NELL2: variants seen among roughly 807,000 people sequenced by gnomAD.
NELL2 encodes neural EGFL like 2, also known as protein kinase C-binding protein NELL2.
NELL2 carries 41 observed loss-of-function variants against 109.6 expected under a neutral mutation model. The observed-to-expected ratio is 0.37, with a 90% CI of 0.29 to 0.49. NELL2 has a LOEUF of 0.49. Ranked by LOEUF, NELL2 falls within the 20% of genes least tolerant of loss-of-function variation. The pLI is 0.98. For missense variants in NELL2, 900 were observed against 1,008.3 expected (o/e 0.89, Z 1.45); for synonymous variants, 355 against 344.7 (o/e 1.03, Z -0.33).
At chr12:44,676,125 A>C (rs1948308244) in intron 12 of NELL2, among the ~76,000 whole-genome samples, 1 of 152,144 alleles carries the variant, frequency 6.6e-6, no homozygotes, top group African/African-American at 2.4e-5. Context: ...CTCAATTGCA[A>C]AGACTCCACA....
chr12:44,647,437 T>TCATGTTTATATTTTCAAATTACTTA, intron 13 of NELL2, among the ~76,000 whole-genome samples: 1 of 152,206 alleles, frequency 6.6e-6, no homozygotes, highest in African/African-American at 2.4e-5. Context: ...GCAACAGGGA[T>TCATGTTTATATTTTCAAATTACTTA]ATCTGCTGCA....
At chr12:44,816,986 C>T (rs143882939) in intron 2 of NELL2, among the ~76,000 whole-genome samples, 233 of 152,324 alleles carry the variant, frequency 1.5e-3, no homozygotes, top group Middle Eastern at 0.01. Context: ...AGAAGATTGA[C>T]GAGAGATAGA....
chr12:44,678,544 T>C (rs998099949), intron 12 of NELL2, among the ~76,000 whole-genome samples: 4 of 152,014 alleles, frequency 2.6e-5, no homozygotes, highest in African/African-American at 9.7e-5. Flanking sequence ...TGTACCAAGA[T>C]GTAATAGGTA....
rs146209453 is a variant in NELL2, at chr12:44,624,723, A to T, written c.1445-13753T>A. ...TTATCAAAATATAGCTGGCTCAAGT[A>T]GCCTCCAGGGCCTCTAGGACAGATT... On this transcript the variant is annotated intron_variant, in intron 13 of 19. Coordinates refer to ENST00000429094, the MANE Select transcript of NELL2 (RefSeq NM_001145108.2). Among the ~76,000 whole-genome samples the T allele has an allele frequency of 3.6e-3, 553 of 152,178 alleles. 2 individuals are homozygous for T. The highest frequency in any genetic ancestry group is 0.012 in the African/African-American group (519 of 41,530).
At chr12:44,582,429 G>T (rs1439956372) in intron 15 of NELL2, among the ~76,000 whole-genome samples, 1 of 152,116 alleles carries the variant, frequency 6.6e-6, no homozygotes, top group Non-Finnish European at 1.5e-5. Flanking sequence ...ATTCATAAAG[G>T]TGTGTTTAGA....
chr12:44,861,166 C>T (rs1311914450), intron 2 of NELL2, among the ~76,000 whole-genome samples: 4 of 152,146 alleles, frequency 2.6e-5, no homozygotes, highest in African/African-American at 9.7e-5. Flanking sequence ...GACAATTTTA[C>T]GTTACCCATC....
chr12:44,806,283 T>C (rs1566438211), intron 3 of NELL2, among the ~76,000 whole-genome samples: 1 of 151,870 alleles, frequency 6.6e-6, no homozygotes, highest in East Asian at 1.9e-4. Flanking sequence ...TGAAAAGGTA[T>C]TCAACCTCAT....
chr12:44,856,307 CA>C (rs1372485823), intron 2 of NELL2, among the ~76,000 whole-genome samples: 1 of 152,208 alleles, frequency 6.6e-6, no homozygotes, highest in Non-Finnish European at 1.5e-5. Context: ...ATTAAGCATT[CA>C]AAAATCCCTG....
rs559685111 is a variant in NELL2, at chr12:44,704,003, T to A, written c.1190-149A>T. 222 of 639,004 alleles carry A rather than the reference T, an allele frequency of 3.5e-4. No individual in the cohort carries two copies. In the African/African-American group the frequency reaches 3.9e-3, roughly 11 times the overall value. 39.6% of individuals were successfully genotyped at this position (639,004 alleles called of 1,614,324 possible). On this transcript the variant is annotated intron_variant, in intron 11 of 19. Coordinates refer to ENST00000429094, the MANE Select transcript of NELL2 (RefSeq NM_001145108.2). ...CATCAACATTTACAGAAGAATCACA[T>A]GCTATGAGTACCAAAAACTTCTTCT...
At chr12:44,617,457 G>A (rs1431953568) in intron 13 of NELL2, among the ~76,000 whole-genome samples, 2 of 106,144 alleles carry the variant, frequency 1.9e-5, no homozygotes, top group Non-Finnish European at 3.7e-5. Flanking sequence ...GGAGGCCGAG[G>A]CGGGCGGATC....
chr12:44,727,503 G>A (rs1271377024), intron 9 of NELL2, among the ~76,000 whole-genome samples: 1 of 152,004 alleles, frequency 6.6e-6, no homozygotes, highest in East Asian at 1.9e-4. Context: ...TAACAGAAGT[G>A]GAAAAATGGA....
upstream of NELL2, among the ~76,000 whole-genome samples, chr12:44,917,304 C>T (rs150836472): frequency 1.8e-4 from 28 of 152,324 alleles, no homozygotes; most frequent in East Asian, 2.3e-3. Flanking sequence ...GTAGAAAGAG[C>T]ACAGCATTTG....
chr12:44,797,836 C>A (rs1223650369), intron 3 of NELL2, among the ~76,000 whole-genome samples: 1 of 135,868 alleles, frequency 7.4e-6, no homozygotes, highest in Non-Finnish European at 1.6e-5. Flanking sequence ...GGAATTCCAT[C>A]CTAGATGGAA....
intron 12 of NELL2, among the ~76,000 whole-genome samples, chr12:44,684,377 T>C (rs2136379348): frequency 6.6e-6 from 1 of 152,300 alleles, no homozygotes; most frequent in East Asian, 1.9e-4. Context: ...AGCTCCTGGA[T>C]TCGTTAATTT....
At chr12:44,733,143 A>G (rs1323793786) in intron 9 of NELL2, among the ~76,000 whole-genome samples, 1 of 152,136 alleles carries the variant, frequency 6.6e-6, no homozygotes, top group Non-Finnish European at 1.5e-5. Context: ...AGAAAACAGC[A>G]TAGAGGTTCC....
At chr12:44,699,931 G>A (rs773796984) in intron 12 of NELL2, among the ~76,000 whole-genome samples, 5 of 151,954 alleles carry the variant, frequency 3.3e-5, no homozygotes, top group South Asian at 4.1e-4. Flanking sequence ...AATCCCTTCC[G>A]TCTCCTCAAC....
intron 13 of NELL2, among the ~76,000 whole-genome samples, chr12:44,618,829 A>G (rs1394941499): frequency 2.0e-5 from 3 of 152,220 alleles, no homozygotes; most frequent in African/African-American, 4.8e-5. Flanking sequence ...CTTACTACAG[A>G]CTGCAAAGCA....
intron 13 of NELL2, among the ~76,000 whole-genome samples, chr12:44,653,075 G>T (rs754076395): frequency 5.3e-5 from 8 of 152,160 alleles, no homozygotes; most frequent in Non-Finnish European, 1.2e-4. Flanking sequence ...CTTGTGCCAC[G>T]TAAGGTAGCA....
chr12:44,801,135 A>T (rs745780231), intron 3 of NELL2, among the ~76,000 whole-genome samples: 2 of 152,190 alleles, frequency 1.3e-5, no homozygotes, highest in Non-Finnish European at 2.9e-5. Flanking sequence ...AGAAACGCCA[A>T]AATGCTAGAA....
Sources: allele counts gnomAD v4.1 joint callset (sites outside exome capture counted in the v4.1 genomes callset), GRCh38; gene constraint gnomAD v4.1.1; transcripts MANE v1.5; gene names NCBI Gene and HGNC (gene_info 2026-07-23, HGNC 2026-07-21).